The following NLK variants were observed in gnomAD, a reference collection of about 807,000 sequenced individuals.
NLK encodes serine/threonine-protein kinase NLK.
Under a neutral mutation model 59.0 loss-of-function variants are expected in NLK, and 11 were observed. The ratio of observed to expected loss-of-function variants is 0.19; its 90% CI spans 0.12 to 0.31. The LOEUF (loss-of-function observed/expected upper bound fraction) is 0.31, where lower values mean the gene tolerates loss of function less well. NLK is among the 10% of genes least tolerant of loss of function. The pLI is 1.00. For missense variants in NLK, 410 were observed against 661.1 expected, an observed-to-expected ratio of 0.62 and a Z score of 4.16; for synonymous variants, 235 against 235.9, an observed-to-expected ratio of 1.00 and a Z score of 0.03.
chr17:28,172,758 G>C, intron 7 of NLK, 140 bp downstream of exon 7: 1 of 401,948 alleles, frequency 2.5e-6, no homozygotes. Flanking sequence ...TCCTAAGTAA[G>C]AAAATGTTCA....
intron 1 of NLK, among the ~76,000 whole-genome samples, chr17:28,044,917 G>A (rs143323946): frequency 4.1e-4 from 62 of 152,296 alleles, no homozygotes; most frequent in Admixed American, 6.5e-4. Context: ...ATGGGTTGCA[G>A]CATTCTTGAA....
rs766116123 is a variant in NLK at position 28,161,205 on chromosome 17, C to T, written c.690C>T (p.Ile230=). Residue 230 remains isoleucine, a synonymous_variant, in exon 4 of 11, where the codon ATC becomes ATT. Transcript: ENST00000407008. The stretch of plus-strand genomic sequence containing the variant: ...TGCAGAGTGACCTACATAAAATTAT[C>T]GTCTCTCCTCAACCACTCAGCTCAG... The part of the protein sequence containing the change: ...ELMQSDLHKI[I]VSPQPLSSDH... 2.5e-6 allele frequency: 4 copies of T among 1,611,486 alleles called. No homozygotes were observed. Among genetic ancestry groups the T allele is most frequent in the Non-Finnish European group, 3.4e-6 (4 of 1,177,690 alleles).
At chr17:28,203,693 C>T in the NLK span, among the ~76,000 whole-genome samples, 6 of 152,156 alleles carry the variant, frequency 3.9e-5, no homozygotes, top group Non-Finnish European at 7.3e-5. Context: ...CCTGCCACCA[C>T]GCCTGGCTAA....
At chr17:28,124,389 G>A (rs1382699062) in intron 2 of NLK, among the ~76,000 whole-genome samples, 1 of 152,014 alleles carries the variant, frequency 6.6e-6, no homozygotes, top group East Asian at 1.9e-4. Context: ...TTAGCTGGGT[G>A]TGGTGGCACA....
intron 2 of NLK, among the ~76,000 whole-genome samples, chr17:28,127,981 G>C (rs2142825525): frequency 6.6e-6 from 1 of 152,174 alleles, no homozygotes; most frequent in African/African-American, 2.4e-5. Flanking sequence ...ATGTTCACCT[G>C]ATTTGCAAGA....
chr17:28,120,384 C>G (rs1454987990), intron 1 of NLK, among the ~76,000 whole-genome samples: 2 of 151,904 alleles, frequency 1.3e-5, no homozygotes, highest in Non-Finnish European at 2.9e-5. Flanking sequence ...CTGGGTTTAA[C>G]AGGTGTGAGC....
Position 28,132,996 on chromosome 17 carries a change from A to G in NLK, c.644+321A>G, listed in dbSNP as rs1029619521. On this transcript the variant is annotated intron_variant, in intron 3 of 10. Transcript: ENST00000407008. ...GCTGTGTTGTAGTAGAACCCAGGAA[A>G]GTGCTTTTACCACTATACAACAGCT... 6.6e-5 allele frequency among the ~76,000 whole-genome samples: 10 copies of G among 152,244 alleles called. No individual in the cohort carries two copies. In the South Asian group the frequency reaches 2.1e-3, roughly 31 times the overall value.
intron 6 of NLK, 139 bp downstream of exon 6, chr17:28,168,796 A>C: frequency 1.6e-6 from 1 of 635,898 alleles, no homozygotes; most frequent in Non-Finnish European, 2.7e-6. Context: ...AAAATTCAGA[A>C]AGTTATAAAG....
chr17:28,102,597 C>T (rs1356637481), intron 1 of NLK, among the ~76,000 whole-genome samples: 1 of 148,758 alleles, frequency 6.7e-6, no homozygotes, highest in Non-Finnish European at 1.5e-5. Context: ...TGCAGTGAGC[C>T]GAGATCACAC....
At chr17:28,078,813 A>T (rs1910252480) in intron 1 of NLK, among the ~76,000 whole-genome samples, 2 of 152,084 alleles carry the variant, frequency 1.3e-5, no homozygotes, top group Admixed American at 1.3e-4. Context: ...CTGTAGTCCT[A>T]GCAAGGCATT....
Position 28,087,845 on chromosome 17 carries a change from T to C in NLK, c.459-34758T>C, listed in dbSNP as rs78550213. 2.0e-5 allele frequency among the ~76,000 whole-genome samples: 3 copies of C among 151,336 alleles called. 1 individual carries two copies. The highest frequency in any genetic ancestry group is 4.1e-4 in the South Asian group (2 of 4,828). ...TGTGAATCTGTAACCCATGATGAAG[T>C]TGGGCTTTAGACATGTCACCTCTTT... On this transcript the variant is annotated intron_variant, in intron 1 of 10. Coordinates refer to ENST00000407008, the MANE Select transcript of NLK (RefSeq NM_016231.5).
At chr17:28,078,744 ACATGGTTTATAAAC>A (rs1403932840) in intron 1 of NLK, among the ~76,000 whole-genome samples, 2 of 152,176 alleles carry the variant, frequency 1.3e-5, no homozygotes, top group Admixed American at 1.3e-4. Flanking sequence ...TCTGTAAACT[ACATGGTTTATAAAC>A]CATGGTTTAT....
the NLK span, among the ~76,000 whole-genome samples, chr17:28,204,293 A>G: frequency 6.6e-6 from 1 of 152,184 alleles, no homozygotes; most frequent in South Asian, 2.1e-4. Flanking sequence ...GCTGAACACA[A>G]CAGTTCTGTG....
chr17:28,049,772 G>C (rs975355543), intron 1 of NLK, among the ~76,000 whole-genome samples: 2 of 152,124 alleles, frequency 1.3e-5, no homozygotes, highest in African/African-American at 2.4e-5. Context: ...CCTGAGGTCA[G>C]GAGTTCAAGA....
intron 3 of NLK, among the ~76,000 whole-genome samples, chr17:28,158,197 C>A (rs1907862017): frequency 6.6e-6 from 1 of 152,190 alleles, no homozygotes; most frequent in Non-Finnish European, 1.5e-5. Flanking sequence ...GGCTACAAAC[C>A]TGTACAACTG....
At chr17:28,178,513 C>T (rs1442833526) in intron 7 of NLK, among the ~76,000 whole-genome samples, 6 of 152,224 alleles carry the variant, frequency 3.9e-5, no homozygotes, top group Non-Finnish European at 7.3e-5. Flanking sequence ...GATAGTTCTT[C>T]AACTGACCTG....
intron 3 of NLK, among the ~76,000 whole-genome samples, chr17:28,138,734 A>G (rs1027832820): frequency 2.6e-5 from 4 of 152,208 alleles, no homozygotes; most frequent in African/African-American, 7.2e-5. Context: ...AGAACTTCCT[A>G]TTCATTTATT....
intron 2 of NLK, 36 bp from the exon 3 acceptor site, chr17:28,132,583 TG>T: frequency 6.5e-7 from 1 of 1,527,016 alleles, no homozygotes; most frequent in Middle Eastern, 1.8e-4. Context: ...TTTCCTTTTT[TG>T]TTCTCTAAAT....
chr17:28,115,973 GATTTGCTTC>G (rs568093274), intron 1 of NLK, among the ~76,000 whole-genome samples: 133 of 151,430 alleles, frequency 8.8e-4, no homozygotes, highest in African/African-American at 3.1e-3. Flanking sequence ...TAATTAATAA[GATTTGCTTC>G]ATTTGCTTCA....
Sources: gnomAD v4.1 joint callset for allele counts (sites outside exome capture counted in the v4.1 genomes callset) on GRCh38, gnomAD v4.1.1 for gene constraint, MANE v1.5 for transcripts, NCBI Gene and HGNC (gene_info 2026-07-23, HGNC 2026-07-21) for gene names.